Variants in CCDC88A observed in about 807,000 individuals in gnomAD.
The protein encoded by CCDC88A is girdin.
CCDC88A carries 54 observed loss-of-function variants against 234.3 expected under a neutral mutation model. The ratio of observed to expected loss-of-function variants is 0.23; its 90% CI spans 0.19 to 0.29. The LOEUF is 0.29. Ranked by LOEUF, CCDC88A falls within the 10% of genes least tolerant of loss-of-function variation. The pLI is 1.00. For missense variants in CCDC88A, 1,832 were observed against 2,123.4 expected (o/e 0.86, Z 2.70); for synonymous variants, 753 against 737.8 (o/e 1.02, Z -0.33).
chr2:55,412,147 G>A (rs1268553052), intron 2 of CCDC88A, among the ~76,000 whole-genome samples: 1 of 152,174 alleles, frequency 6.6e-6, no homozygotes, highest in Non-Finnish European at 1.5e-5. Context: ...CAACTTCTAT[G>A]CTAGGTGCTA....
At chr2:55,377,427 C>T (rs890017194) in intron 3 of CCDC88A, among the ~76,000 whole-genome samples, 2 of 144,246 alleles carry the variant, frequency 1.4e-5, no homozygotes, top group African/African-American at 5.1e-5. Context: ...CAAAGTGGTG[C>T]GATTACAGGC....
intron 16 of CCDC88A, among the ~76,000 whole-genome samples, chr2:55,330,398 C>T (rs1003091500): frequency 2.0e-5 from 3 of 151,972 alleles, no homozygotes; most frequent in East Asian, 2.0e-4. Flanking sequence ...ACTTGAACCT[C>T]GGAGGCGGAG....
chr2:55,338,446 A>G (rs1038907223), intron 13 of CCDC88A, among the ~76,000 whole-genome samples: 1 of 152,206 alleles, frequency 6.6e-6, no homozygotes, highest in Non-Finnish European at 1.5e-5. Flanking sequence ...TGTTTTTATG[A>G]TGGGATTCTA....
At chr2:55,313,377 G>A (rs6726732) in intron 22 of CCDC88A, 4 of 152,254 alleles carry the variant, frequency 2.6e-5, no homozygotes, top group Non-Finnish European at 4.4e-5. Context: ...ATCCATTCAC[G>A]GTTTTCAAGA....
chr2:55,323,321 AT>A (rs1440337957), intron 17 of CCDC88A: 2 of 152,224 alleles, frequency 1.3e-5, no homozygotes, highest in Non-Finnish European at 2.9e-5. Flanking sequence ...CTTATAATAA[AT>A]TTTAAGTTAA....
chr2:55,293,509 T>G (rs546950547), intron 31 of CCDC88A: 1 of 150,912 alleles, frequency 6.6e-6, no homozygotes, highest in South Asian at 2.1e-4. Flanking sequence ...TTTTTTTTTT[T>G]GTAATAGCTA....
intron 3 of CCDC88A, among the ~76,000 whole-genome samples, chr2:55,380,389 A>T (rs200158414): frequency 7.9e-5 from 12 of 152,192 alleles, no homozygotes; most frequent in Non-Finnish European, 1.3e-4. Flanking sequence ...AAGTTTCACT[A>T]AATAAGTGGA....
rs1280732450 is a variant in CCDC88A at position 55,317,712 on chromosome 2, G to C, written c.3454C>G (p.Leu1152Val). The C allele has an allele frequency of 6.2e-7, 1 of 1,613,630 alleles. No homozygotes were observed. The highest frequency in any genetic ancestry group is 1.7e-5 in the Admixed American group (1 of 60,004). ...VIKEREDLKS[L>V]YDSLIKDHEK... The stretch of plus-strand genomic sequence containing the variant: ...TGATCTTTGATCAGAGAATCATAGA[G>C]AGATTTTAGGTCTTCTCGCTCTTTG... The change falls in exon 20 of 33, where the codon CTC (leucine) becomes GTC (valine). Residue 1152 changes from leucine to valine, a missense_variant. By Grantham distance (32) the Leu-to-Val change is conservative (BLOSUM62 1). Coordinates refer to ENST00000436346, the MANE Select transcript of CCDC88A (RefSeq NM_001365480.1). The surrounding 1 kb of genome is among the most constrained non-coding windows in gnomAD (Gnocchi z 4.2).
intron 2 of CCDC88A, among the ~76,000 whole-genome samples, chr2:55,396,520 T>C (rs542211992): frequency 6.6e-6 from 1 of 152,106 alleles, no homozygotes; most frequent in African/African-American, 2.4e-5. Context: ...TCTTTTACTC[T>C]TTTAGTTTTT....
intron 10 of CCDC88A, 34 bp from the exon 11 acceptor site, chr2:55,344,548 G>T: frequency 8.0e-7 from 1 of 1,249,184 alleles, no homozygotes; most frequent in South Asian, 1.7e-5. Flanking sequence ...GTTAATATCT[G>T]TTAATTTTTT....
rs994197289 is a variant in CCDC88A, at chr2:55,315,847, C to A, written c.3933+81G>T. On this transcript the variant is annotated intron_variant, in intron 22 of 32. Transcript: ENST00000436346. ...GCCACTAAATATATACTAGTATTGT[C>A]ATTGTAATCTAGTCATTTATTTCTT... The A allele has an allele frequency of 4.0e-6, 3 of 756,908 alleles. No homozygotes were observed. The African/African-American group carries it at 5.4e-5, about 14-fold the overall frequency. The allele number at this position is 756,908 out of a possible 1,614,324, so 46.9% of individuals were successfully genotyped here.
At chr2:55,387,813 G>GA (rs1013635895) in intron 3 of CCDC88A, among the ~76,000 whole-genome samples, 1 of 137,908 alleles carries the variant, frequency 7.3e-6, no homozygotes, top group African/African-American at 2.7e-5. Flanking sequence ...AAAGAAAAAA[G>GA]AAAAAAAAAT....
intron 2 of CCDC88A, among the ~76,000 whole-genome samples, chr2:55,389,919 T>C (rs149527084): frequency 0.015 from 2,277 of 151,388 alleles, 57 homozygotes; most frequent in African/African-American, 0.053. Context: ...CATGCAACTG[T>C]AGTCGCAGCT....
chr2:55,358,868 T>A (rs1413491236), intron 7 of CCDC88A, among the ~76,000 whole-genome samples: 1 of 152,178 alleles, frequency 6.6e-6, no homozygotes, highest in African/African-American at 2.4e-5. Context: ...TCTATCAGCA[T>A]GCTCATCCCA....
intron 8 of CCDC88A, 155 bp downstream of exon 8, chr2:55,355,424 A>C (rs1314375499): frequency 1.6e-6 from 1 of 642,028 alleles, no homozygotes; most frequent in Non-Finnish European, 2.7e-6. Context: ...TTAAGATTTA[A>C]CAATAGGAAA....
intron 2 of CCDC88A, chr2:55,417,495 C>G (rs999589863): frequency 6.6e-6 from 1 of 151,896 alleles, no homozygotes; most frequent in Non-Finnish European, 1.5e-5. Context: ...ACACAGCTGT[C>G]AAAAATACAT....
Position 55,334,974 on chromosome 2 carries a change from T to A in CCDC88A, c.1847A>T (p.Glu616Val). The part of the protein sequence containing the change: ...IEFEKRQIKK[E>V]LEHYKEKGER... ...TCCTTTTTCTTTATAATGTTCCAAT[T>A]CTTTTTTAATTTGTCTTTTTTCAAA... The change falls in exon 15 of 33, where the codon GAA (glutamate) becomes GTA (valine). Residue 616 changes from glutamate (E) to valine (V), a missense_variant. Coordinates refer to ENST00000436346, the MANE Select transcript of CCDC88A (RefSeq NM_001365480.1). The surrounding 1 kb of genome is among the most constrained non-coding windows in gnomAD (Gnocchi z 6.1). The A allele has an allele frequency of 6.3e-7, 1 of 1,589,500 alleles. No individual in the cohort carries two copies. Among genetic ancestry groups the A allele is most frequent in the Non-Finnish European group, 8.6e-7 (1 of 1,165,848 alleles).
At chr2:55,383,695 CA>C (rs1215760035) in intron 3 of CCDC88A, among the ~76,000 whole-genome samples, 2 of 151,604 alleles carry the variant, frequency 1.3e-5, no homozygotes, top group Non-Finnish European at 2.9e-5. Context: ...TACATCTTCT[CA>C]GGGGCATATG....
chr2:55,295,239 T>C (rs1484362541), intron 31 of CCDC88A: 10 of 1,340,968 alleles, frequency 7.5e-6, no homozygotes, highest in African/African-American at 1.5e-5. Context: ...ATTTTCTTTC[T>C]GTGCAGGTTT....
Sources: gnomAD v4.1 joint callset for allele counts (sites outside exome capture counted in the v4.1 genomes callset) on GRCh38, gnomAD v4.1.1 for gene constraint, Gnocchi (gnomAD v3.1) non-coding constraint, MANE v1.5 for transcripts, NCBI Gene and HGNC (gene_info 2026-07-23, HGNC 2026-07-21) for gene names.